Variants in SETD3 observed in about 807,000 individuals in gnomAD.
SETD3 encodes SET domain containing 3, actin N3(tau)-histidine methyltransferase.
Under a neutral mutation model 63.0 loss-of-function variants are expected in SETD3, and 19 were observed. That is an observed-to-expected ratio of 0.30 (90% CI 0.21 to 0.44). The LOEUF is 0.44. SETD3 is among the 20% of genes least tolerant of loss of function. SETD3 has a pLI of 1.00. For synonymous variants in SETD3, 286 were observed against 264.1 expected (o/e 1.08, Z -0.80); for missense variants, 587 against 728.5 (o/e 0.81, Z 2.24).
At chr14:99,440,751 C>G (rs1478936732) in intron 6 of SETD3, among the ~76,000 whole-genome samples, 1 of 147,286 alleles carries the variant, frequency 6.8e-6, no homozygotes, top group Non-Finnish European at 1.5e-5. Context: ...AAAAAAAGAA[C>G]AAAAGGGGCT....
intron 6 of SETD3, among the ~76,000 whole-genome samples, chr14:99,414,216 G>A (rs1351920150): frequency 2.0e-5 from 3 of 152,228 alleles, no homozygotes; most frequent in Non-Finnish European, 4.4e-5. Context: ...AAGGTGGACC[G>A]ACTTTACAAA....
chr14:99,446,971 ATTTC>A (rs1221420374), intron 6 of SETD3, among the ~76,000 whole-genome samples: 1 of 58,390 alleles, frequency 1.7e-5, no homozygotes, highest in Non-Finnish European at 3.4e-5. Context: ...AAAGTATTTC[ATTTC>A]TTTTTTTTTT....
At chr14:99,408,102 T>C (rs76895917) in intron 8 of SETD3, among the ~76,000 whole-genome samples, 5,062 of 152,252 alleles carry the variant, frequency 0.033, 270 homozygotes, top group African/African-American at 0.12. Flanking sequence ...GCTAATAAGG[T>C]ATCAATAGCT....
At position 99,415,824 on chromosome 14, in the gene SETD3, G is replaced by A. The variant is rs577001751; in HGVS notation, c.676-1890C>T. Among the ~76,000 whole-genome samples the A allele has an allele frequency of 2.3e-4, 35 of 152,280 alleles. No individual in the cohort carries two copies. The East Asian group carries it at 2.7e-3, about 12-fold the overall frequency. On this transcript the variant is annotated intron_variant, in intron 6 of 12. Coordinates refer to ENST00000331768, the MANE Select transcript of SETD3 (RefSeq NM_032233.3). ...CACTAAAGCAAAATGTGACACTAAC[G>A]GAGAAAGGAAATAACTCTCTCCACA...
intron 2 of SETD3, among the ~76,000 whole-genome samples, chr14:99,464,173 T>C (rs1167182147): frequency 6.6e-6 from 1 of 152,178 alleles, no homozygotes; most frequent in Non-Finnish European, 1.5e-5. Context: ...AAGATTCCAC[T>C]GTGGGGCCAG....
chr14:99,398,658 C>T lies in SETD3; in HGVS notation c.*21G>A. 1 of 1,602,722 alleles carries T rather than the reference C, an allele frequency of 6.2e-7. No homozygotes were observed. The highest frequency in any genetic ancestry group is 8.5e-7 in the Non-Finnish European group (1 of 1,171,258). ...CGTCAACTCCTGCTCCACTGGATCC[C>T]CCATCCAGCTTCACCTCGAGCTACT... On this transcript the variant is annotated 3_prime_UTR_variant, in exon 13 of 13. Coordinates refer to ENST00000331768, the MANE Select transcript of SETD3 (RefSeq NM_032233.3).
chr14:99,463,226 T>C (rs772034499), intron 3 of SETD3, among the ~76,000 whole-genome samples: 1 of 152,244 alleles, frequency 6.6e-6, no homozygotes, highest in Non-Finnish European at 1.5e-5. Flanking sequence ...ATAAATAAAA[T>C]TGTATCATTT....
intron 6 of SETD3, among the ~76,000 whole-genome samples, chr14:99,419,635 C>T (rs911774382): frequency 1.3e-5 from 2 of 151,464 alleles, no homozygotes; most frequent in Non-Finnish European, 2.9e-5. Flanking sequence ...ATTAGCCGGG[C>T]GTAGTGGCGG....
intron 6 of SETD3, 94 bp downstream of exon 6, chr14:99,458,185 C>A: frequency 7.3e-7 from 1 of 1,363,384 alleles, no homozygotes; most frequent in Non-Finnish European, 1.0e-6. Flanking sequence ...TTTAAGTATC[C>A]TTAATAAGAC....
At chr14:99,449,863 G>T (rs1274922856) in intron 6 of SETD3, among the ~76,000 whole-genome samples, 1 of 152,200 alleles carries the variant, frequency 6.6e-6, no homozygotes, top group African/African-American at 2.4e-5. Flanking sequence ...CAACTGTTTT[G>T]TAAGTCTAGA....
chr14:99,398,618 T>C lies in SETD3; in HGVS notation c.*61A>G, dbSNP rs1891207420. ...AAATGTTAACAAGGAAACACAGCGA[T>C]GTGAACGGACTGTCCGTCAACTCCT... On this transcript the variant is annotated 3_prime_UTR_variant, in exon 13 of 13. Transcript: ENST00000331768. The C allele has an allele frequency of 5.6e-6, 8 of 1,434,016 alleles. No homozygotes were observed. The highest frequency in any genetic ancestry group is 1.9e-5 in the Admixed American group (1 of 53,818). 88.8% of individuals were successfully genotyped at this position (1,434,016 alleles called of 1,614,324 possible). A position where few individuals can be genotyped will look rare whatever the true frequency, so the allele number is the denominator to read the frequency against.
chr14:99,484,545 T>C (rs1452402416), upstream of SETD3, among the ~76,000 whole-genome samples: 1 of 152,270 alleles, frequency 6.6e-6, no homozygotes, highest in African/African-American at 2.4e-5. Context: ...AAATGTATTT[T>C]CAAGGCTTAG....
chr14:99,409,447 C>T (rs1229767258), intron 8 of SETD3, among the ~76,000 whole-genome samples: 2 of 152,178 alleles, frequency 1.3e-5, no homozygotes, highest in African/African-American at 4.8e-5. Context: ...GGAGTGGAAG[C>T]CTCCAGCAGC....
At chr14:99,404,364 C>T in intron 10 of SETD3, 54 bp from the exon 11 acceptor site, 1 of 1,504,858 alleles carries the variant, frequency 6.6e-7, no homozygotes, top group Non-Finnish European at 9.2e-7. Context: ...CCCACTTGCT[C>T]CAAACTGAGA....
Position 99,454,949 on chromosome 14 carries a change from T to C in SETD3, c.675+3330A>G, listed in dbSNP as rs143662291. 5.8e-3 allele frequency among the ~76,000 whole-genome samples: 884 copies of C among 152,346 alleles called. 9 individuals are homozygous for C. The highest frequency in any genetic ancestry group is 0.02 in the African/African-American group (848 of 41,584). On this transcript the variant is annotated intron_variant, in intron 6 of 12. Transcript: ENST00000331768. The stretch of plus-strand genomic sequence containing the variant: ...AGTTGCTTTGATAAACACTCCAACT[T>C]GGGCTGACAATGGTCACACGAAAAA...
intron 1 of SETD3, among the ~76,000 whole-genome samples, chr14:99,479,055 T>C (rs8013888): frequency 0.42 from 63,734 of 152,080 alleles, 13,855 homozygotes; most frequent in East Asian, 0.56. Flanking sequence ...AGACATAAGA[T>C]GTTCTAATCT....
chr14:99,461,516 G>A (rs1344357445), intron 3 of SETD3, among the ~76,000 whole-genome samples, 176 bp from the exon 4 acceptor site: 2 of 152,098 alleles, frequency 1.3e-5, no homozygotes, highest in Admixed American at 6.5e-5. Context: ...CTGGTGACAG[G>A]GAAGAAGAAT....
intron 1 of SETD3, 88 bp downstream of exon 1, chr14:99,480,640 G>A (rs1337031103): frequency 6.6e-6 from 1 of 150,656 alleles, no homozygotes; most frequent in African/African-American, 2.4e-5. Context: ...CGCTGGCCAG[G>A]GCGAGGGACG....
intron 1 of SETD3, among the ~76,000 whole-genome samples, 195 bp downstream of exon 1, chr14:99,480,533 C>T (rs1242594518): frequency 2.0e-5 from 3 of 150,774 alleles, no homozygotes; most frequent in South Asian, 2.1e-4. Context: ...CCCTCCTCGC[C>T]CTGGCCCCCG....
Sources: allele counts gnomAD v4.1 joint callset (sites outside exome capture counted in the v4.1 genomes callset), GRCh38; gene constraint gnomAD v4.1.1; transcripts MANE v1.5; gene names NCBI Gene and HGNC (gene_info 2026-07-23, HGNC 2026-07-21).